The following HEPH variants were observed in gnomAD, a reference collection of about 807,000 sequenced individuals.
The protein encoded by HEPH is hephaestin.
A neutral mutation model predicts 80.8 loss-of-function variants in HEPH; 69 were observed. The observed-to-expected ratio is 0.85, with a 90% CI of 0.70 to 1.04. The LOEUF (loss-of-function observed/expected upper bound fraction) is 1.04, where lower values mean the gene tolerates loss of function less well. Among genes scored for constraint, HEPH ranks in the 50% least tolerant of loss-of-function variants. HEPH has a pLI of 0.00. For synonymous variants in HEPH, 431 were observed against 322.8 expected, an observed-to-expected ratio of 1.34 and a Z score of -3.60; for missense variants, 1,115 against 891.3, an observed-to-expected ratio of 1.25 and a Z score of -3.20.
upstream of HEPH, among the ~76,000 whole-genome samples, chrX:66,164,011 C>G (rs2086262690): frequency 8.9e-6 from 1 of 111,923 alleles, no homozygotes; most frequent in Non-Finnish European, 1.9e-5. Context: ...GAGGCTCTTT[C>G]AATTTCTACC....
Position 66,262,166 on chromosome X carries a change from C to T in HEPH, c.3200-1478C>T, listed in dbSNP as rs866794321. 1.1e-4 allele frequency among the ~76,000 whole-genome samples: 12 copies of T among 111,699 alleles called. No homozygotes were observed. In the Middle Eastern group the frequency reaches 0.014, roughly 128 times the overall value. ...TTCAACTCCATGTGTGTTAACAGGCCAACAGGAAGGAAGAGTTGAAAAGAC... is the reference window on the plus strand; with the variant it reads ...TTCAACTCCATGTGTGTTAACAGGCTAACAGGAAGGAAGAGTTGAAAAGAC... On this transcript the variant is annotated intron_variant, in intron 19 of 20. Coordinates refer to ENST00000343002, the MANE Select transcript of HEPH (RefSeq NM_001367233.3).
At chrX:66,245,996 G>A (rs1227187438) in intron 15 of HEPH, among the ~76,000 whole-genome samples, 1 of 112,356 alleles carries the variant, frequency 8.9e-6, no homozygotes, top group African/African-American at 3.2e-5. Flanking sequence ...TTGCAGACAG[G>A]CCATGTCCTT....
chrX:66,186,436 G>A (rs771309265), intron 4 of HEPH, among the ~76,000 whole-genome samples: 50 of 112,214 alleles, frequency 4.5e-4, no homozygotes, highest in Middle Eastern at 4.7e-3. Flanking sequence ...TCTGAAAAGC[G>A]CAATATTCGG....
chrX:66,198,851 C>T, intron 10 of HEPH, 27 bp from the exon 11 acceptor site: 1 of 1,123,485 alleles, frequency 8.9e-7, no homozygotes, highest in Non-Finnish European at 1.2e-6. Context: ...TCATTATTCC[C>T]TCTACTTTCT....
At position 66,256,623 on chromosome X, in the gene HEPH, T is replaced by G. The variant is rs113564086; in HGVS notation, c.2896+293T>G. On this transcript the variant is annotated intron_variant, in intron 17 of 20. Coordinates refer to ENST00000343002, the MANE Select transcript of HEPH (RefSeq NM_001367233.3). Reference sequence around the variant, plus strand: ...CATATTAGAGAAGGCAAAATGGACATGTATGACCTTCAATGTACTTGTCAA... The same window carrying G: ...CATATTAGAGAAGGCAAAATGGACAGGTATGACCTTCAATGTACTTGTCAA... Among the ~76,000 whole-genome samples, 936 of 111,834 alleles carry G rather than the reference T, an allele frequency of 8.4e-3. 15 individuals are homozygous for G. Among genetic ancestry groups the G allele is most frequent in the African/African-American group, 0.029 (902 of 30,783 alleles).
rs1167190057 is a variant in HEPH at position 66,203,495 on chromosome X, A to G, written c.2209A>G (p.Ile737Val). The change falls in exon 13 of 21, where the codon ATC becomes GTC. Residue 737 changes from isoleucine to valine, a missense_variant. Physicochemically the swap from Ile to Val is conservative, Grantham distance 29 (BLOSUM62 3). Around this residue, in one of 3 missense-constraint regions of HEPH, gnomAD observed 716 missense variants for 523.5 expected, o/e 1.37. Coordinates refer to ENST00000343002, the MANE Select transcript of HEPH (RefSeq NM_001367233.3). ...CTACCAAGCTGCAAGAATCTACTAT[A>G]TCATGGCAGAAGAAGTAGAGTGGGA... ...QRYQAARIYY[I>V]MAEEVEWDYC... 2.5e-6 allele frequency: 3 copies of G among 1,209,727 alleles called. No individual in the cohort carries two copies. Among genetic ancestry groups the G allele is most frequent in the Non-Finnish European group, 3.4e-6 (3 of 894,977 alleles).
At chrX:66,218,216 C>T (rs1602385711) in intron 15 of HEPH, among the ~76,000 whole-genome samples, 1 of 112,148 alleles carries the variant, frequency 8.9e-6, no homozygotes, top group African/African-American at 3.2e-5. Context: ...TTACCAACAA[C>T]TGCAGAATAT....
chrX:66,183,713 C>G (rs1359899173), intron 4 of HEPH, among the ~76,000 whole-genome samples: 3 of 47,234 alleles, frequency 6.4e-5, no homozygotes, highest in Non-Finnish European at 6.2e-5. Context: ...CAGTTCTGCT[C>G]TGATTTTAGT....
At chrX:66,204,928 CT>C (rs1296387766) in intron 13 of HEPH, among the ~76,000 whole-genome samples, 1 of 111,404 alleles carries the variant, frequency 9.0e-6, no homozygotes, top group East Asian at 2.8e-4. Context: ...ATAATTTGGA[CT>C]TTTATTATAG....
intron 13 of HEPH, among the ~76,000 whole-genome samples, 155 bp downstream of exon 13, chrX:66,203,732 C>G (rs1050375904): frequency 2.7e-5 from 3 of 112,052 alleles, no homozygotes; most frequent in African/African-American, 9.7e-5. Flanking sequence ...CTTATGAATT[C>G]TAGCTCACTG....
chrX:66,226,530 A>C (rs1277702934), intron 15 of HEPH, among the ~76,000 whole-genome samples: 1 of 112,228 alleles, frequency 8.9e-6, no homozygotes, highest in Non-Finnish European at 1.9e-5. Flanking sequence ...AAGACAAATA[A>C]AATTGATAGA....
At chrX:66,263,109 T>C (rs780279907) in intron 19 of HEPH, among the ~76,000 whole-genome samples, 3 of 111,428 alleles carry the variant, frequency 2.7e-5, no homozygotes, top group African/African-American at 9.8e-5. Flanking sequence ...TAACAAGAAA[T>C]GATTGTAGTT....
At chrX:66,169,724 C>G (rs986779809) in intron 1 of HEPH, among the ~76,000 whole-genome samples, 9 of 112,180 alleles carry the variant, frequency 8.0e-5, no homozygotes, top group African/African-American at 2.9e-4. Context: ...TTTTCACAAA[C>G]TGAACACGCT....
intron 15 of HEPH, among the ~76,000 whole-genome samples, chrX:66,218,578 C>T (rs202084713): frequency 8.9e-6 from 1 of 111,784 alleles, no homozygotes; most frequent in South Asian, 3.8e-4. Context: ...CAGACAAAAC[C>T]CTTTAGACAC....
At chrX:66,236,443 C>T (rs1466550360) in intron 15 of HEPH, among the ~76,000 whole-genome samples, 1 of 111,763 alleles carries the variant, frequency 8.9e-6, no homozygotes, top group Non-Finnish European at 1.9e-5. Flanking sequence ...TTGAACTGAT[C>T]TTGCATCCCA....
intron 15 of HEPH, among the ~76,000 whole-genome samples, chrX:66,244,276 T>G (rs1358381112): frequency 8.9e-6 from 1 of 112,087 alleles, no homozygotes; most frequent in Non-Finnish European, 1.9e-5. Flanking sequence ...TTTCAAGTTG[T>G]TTGCTCTCTC....
At chrX:66,237,073 A>G (rs555310059) in intron 15 of HEPH, among the ~76,000 whole-genome samples, 2 of 110,384 alleles carry the variant, frequency 1.8e-5, no homozygotes, top group African/African-American at 6.6e-5. Flanking sequence ...AAACCCCTGG[A>G]TTCATTAATC....
At chrX:66,226,746 A>C (rs986874917) in intron 15 of HEPH, among the ~76,000 whole-genome samples, 1 of 111,911 alleles carries the variant, frequency 8.9e-6, no homozygotes, top group Non-Finnish European at 1.9e-5. Flanking sequence ...AGCAGAAAGA[A>C]ATAGAAACCT....
chrX:66,209,682 TA>T (rs1319408193), intron 15 of HEPH, among the ~76,000 whole-genome samples: 2 of 112,077 alleles, frequency 1.8e-5, no homozygotes, highest in Admixed American at 1.9e-4. Flanking sequence ...GTGAGAAAGA[TA>T]AGTATTATTG....
Sources: allele counts gnomAD v4.1 joint callset (sites outside exome capture counted in the v4.1 genomes callset), GRCh38; gene constraint gnomAD v4.1.1; regional missense constraint gnomAD v4.1.1; transcripts MANE v1.5; gene names NCBI Gene and HGNC (gene_info 2026-07-23, HGNC 2026-07-21).